The following NRG3 variants were observed in gnomAD, a reference collection of about 807,000 sequenced individuals.
The protein encoded by NRG3 is pro-neuregulin-3, membrane-bound isoform.
Under a neutral mutation model 66.9 loss-of-function variants are expected in NRG3, and 31 were observed. That is an observed-to-expected ratio of 0.46 (90% confidence interval 0.35 to 0.63). NRG3 has a LOEUF of 0.63. Ranked by LOEUF, NRG3 falls within the 20% of genes least tolerant of loss-of-function variation. The pLI is 0.00. For synonymous variants in NRG3, 393 were observed against 359.4 expected, an observed-to-expected ratio of 1.09 and a Z score of -1.06; for missense variants, 910 against 878.9, an observed-to-expected ratio of 1.04 and a Z score of -0.45.
intron 1 of NRG3, among the ~76,000 whole-genome samples, chr10:81,986,732 C>T (rs1451502071): frequency 1.3e-5 from 2 of 152,058 alleles, no homozygotes; most frequent in African/African-American, 4.8e-5. Flanking sequence ...TGCTCTGTCA[C>T]CCAGACGAGA....
intron 1 of NRG3, among the ~76,000 whole-genome samples, chr10:82,294,757 C>T (rs1430403259): frequency 1.3e-5 from 2 of 152,078 alleles, no homozygotes; most frequent in African/African-American, 4.8e-5. Context: ...CTTTATTTTT[C>T]ACTCTTGGAA....
intron 4 of NRG3, among the ~76,000 whole-genome samples, chr10:82,903,777 A>G (rs1844459322): frequency 6.6e-6 from 1 of 152,116 alleles, no homozygotes; most frequent in Admixed American, 6.6e-5. Flanking sequence ...ACATTAGGCT[A>G]TTAGTAATTA....
chr10:82,484,545 T>G (rs568578356), intron 2 of NRG3, among the ~76,000 whole-genome samples: 1 of 152,230 alleles, frequency 6.6e-6, no homozygotes, highest in Non-Finnish European at 1.5e-5. Context: ...TAAAAAATTC[T>G]TGTCTGTTTG....
In NRG3 at chr10:82,168,977, C is replaced by G. The variant is rs570496963; in HGVS notation, c.824-189762C>G. 3.3e-5 allele frequency among the ~76,000 whole-genome samples: 5 copies of G among 152,004 alleles called. No homozygotes were observed. In the East Asian group the frequency reaches 7.7e-4, roughly 23 times the overall value. The stretch of plus-strand genomic sequence containing the variant: ...AAAGGTGTTTTGTTGATTCTTATAC[C>G]CTTTGTTCTTTTTAATTCATGCCTT... On this transcript the variant is annotated intron_variant, in intron 1 of 8. Coordinates refer to ENST00000372141, the MANE Select transcript of NRG3 (RefSeq NM_001010848.4).
At chr10:82,028,302 A>C (rs1285201359) in intron 1 of NRG3, among the ~76,000 whole-genome samples, 1 of 151,670 alleles carries the variant, frequency 6.6e-6, no homozygotes, top group African/African-American at 2.4e-5. Flanking sequence ...CAAAACAAAA[A>C]CCCCCATTAG....
At chr10:82,949,233 C>T (rs938268219) in intron 4 of NRG3, among the ~76,000 whole-genome samples, 4 of 151,900 alleles carry the variant, frequency 2.6e-5, no homozygotes, top group Admixed American at 6.6e-5. Flanking sequence ...ATAAACCTTA[C>T]TTAGTCATGA....
At chr10:82,238,707 A>G (rs771424273) in intron 1 of NRG3, among the ~76,000 whole-genome samples, 53 of 151,278 alleles carry the variant, frequency 3.5e-4, no homozygotes, top group Admixed American at 2.6e-3. Flanking sequence ...TATTTACTTG[A>G]TGCTAGTTTC....
chr10:82,017,550 C>A (rs886984857), intron 1 of NRG3, among the ~76,000 whole-genome samples: 4 of 152,134 alleles, frequency 2.6e-5, no homozygotes, highest in Admixed American at 6.5e-5. Flanking sequence ...TTTACAGTCC[C>A]ACCAACAGTG....
intron 1 of NRG3, among the ~76,000 whole-genome samples, chr10:82,271,136 G>A (rs1252835668): frequency 6.6e-6 from 1 of 152,034 alleles, no homozygotes; most frequent in African/African-American, 2.4e-5. Flanking sequence ...CTTGGGTTTT[G>A]AGGTATAGGG....
intron 4 of NRG3, among the ~76,000 whole-genome samples, chr10:82,943,534 A>AT (rs1216090523): frequency 6.6e-6 from 1 of 152,228 alleles, no homozygotes; most frequent in Middle Eastern, 3.2e-3. Flanking sequence ...GGAACCTGGA[A>AT]TTTTTGTCCA....
intron 2 of NRG3, among the ~76,000 whole-genome samples, chr10:82,534,621 A>G (rs1847637889): frequency 6.6e-6 from 1 of 152,130 alleles, no homozygotes; most frequent in African/African-American, 2.4e-5. Flanking sequence ...AGCCAAATCA[A>G]TCTTGAGAAA....
intron 2 of NRG3, among the ~76,000 whole-genome samples, chr10:82,450,158 CT>C (rs1427041682): frequency 1.3e-5 from 2 of 152,198 alleles, no homozygotes; most frequent in African/African-American, 4.8e-5. Context: ...ACTACAAGTT[CT>C]CATAAATCCT....
chr10:82,348,801 A>G (rs1458895169), intron 1 of NRG3, among the ~76,000 whole-genome samples: 360 of 151,458 alleles, frequency 2.4e-3, no homozygotes, highest in African/African-American at 8.6e-3. Context: ...TTCCCATCTC[A>G]CTTCATTTCA....
intron 1 of NRG3, among the ~76,000 whole-genome samples, chr10:81,988,167 TCTGAAA>T (rs1490692635): frequency 6.6e-6 from 1 of 152,198 alleles, no homozygotes; most frequent in Non-Finnish European, 1.5e-5. Context: ...ACAGAAATGC[TCTGAAA>T]TAACTATTGC....
intron 4 of NRG3, among the ~76,000 whole-genome samples, chr10:82,939,983 T>G (rs1251468178): frequency 6.6e-6 from 1 of 151,880 alleles, no homozygotes. Context: ...AGTGAGGCCC[T>G]AGTGCACAGC....
intron 3 of NRG3, among the ~76,000 whole-genome samples, chr10:82,856,909 A>G (rs746833799): frequency 2.0e-5 from 3 of 152,230 alleles, no homozygotes; most frequent in Non-Finnish European, 2.9e-5. Flanking sequence ...ACCTGTACAC[A>G]GTTACTATCA....
At chr10:82,005,547 A>T (rs2061345534) in intron 1 of NRG3, among the ~76,000 whole-genome samples, 3 of 152,288 alleles carry the variant, frequency 2.0e-5, no homozygotes, top group Non-Finnish European at 4.4e-5. Context: ...TATCTGAATA[A>T]AGCAATAATC....
At chr10:82,502,933 T>A (rs1844336293) in intron 2 of NRG3, among the ~76,000 whole-genome samples, 1 of 152,204 alleles carries the variant, frequency 6.6e-6, no homozygotes, top group African/African-American at 2.4e-5. Flanking sequence ...AATGTTATTC[T>A]GTTTCTGGAT....
chr10:82,229,495 A>G (rs2076340888), intron 1 of NRG3, among the ~76,000 whole-genome samples: 1 of 152,212 alleles, frequency 6.6e-6, no homozygotes, highest in Admixed American at 6.5e-5. Context: ...TCATGCTGCT[A>G]TAAAGAACTA....
Sources: gnomAD v4.1 joint callset for allele counts (sites outside exome capture counted in the v4.1 genomes callset) on GRCh38, gnomAD v4.1.1 for gene constraint, MANE v1.5 for transcripts, NCBI Gene and HGNC (gene_info 2026-07-23, HGNC 2026-07-21) for gene names.